NUP93: variants seen among roughly 807,000 people sequenced by gnomAD.
NUP93 encodes nucleoporin 93.
A neutral mutation model predicts 107.8 loss-of-function variants in NUP93; 55 were observed. That is an observed-to-expected ratio of 0.51 (90% CI 0.41 to 0.64). NUP93 has a LOEUF of 0.64. Among genes scored for constraint, NUP93 ranks in the 30% least tolerant of loss-of-function variants. NUP93 has a pLI of 0.00. For missense variants in NUP93, 937 were observed against 1,044.7 expected (o/e 0.90, Z 1.42); for synonymous variants, 390 against 397.5 (o/e 0.98, Z 0.22).
intron 1 of NUP93, among the ~76,000 whole-genome samples, chr16:56,738,693 C>A (rs1433384293): frequency 6.6e-6 from 1 of 152,100 alleles, no homozygotes; most frequent in Non-Finnish European, 1.5e-5. Context: ...TTGTAATTGA[C>A]AGCTGACAGA....
chr16:56,827,066 A>AAAAAAAT (rs1469520713), intron 8 of NUP93, among the ~76,000 whole-genome samples: 100 of 143,026 alleles, frequency 7.0e-4, no homozygotes, highest in African/African-American at 2.3e-3. Flanking sequence ...AAAAAAAAAA[A>AAAAAAAT]AAATTTTGTT....
In NUP93 at chr16:56,790,969, A is replaced by G. The variant is rs148715745; in HGVS notation, c.298-7507A>G. Among the ~76,000 whole-genome samples, 526 of 152,276 alleles carry G rather than the reference A, an allele frequency of 3.5e-3. 1 individual carries two copies. Among genetic ancestry groups the G allele is most frequent in the African/African-American group, 0.011 (468 of 41,546 alleles). ...AACAACAATGACCATTCCTGATGCC[A>G]CTGCTCATTTTGTGTTGATGTTATT... On this transcript the variant is annotated intron_variant, in intron 3 of 21. Coordinates refer to ENST00000308159, the MANE Select transcript of NUP93 (RefSeq NM_014669.5).
chr16:56,823,820 G>A lies in NUP93; in HGVS notation c.768G>A (p.Arg256=). 6.2e-7 allele frequency: 1 copy of A among 1,614,070 alleles called. No homozygotes were observed. The highest frequency in any genetic ancestry group is 8.5e-7 in the Non-Finnish European group (1 of 1,180,024). The part of the protein sequence containing the change: ...SSVEVRMEFV[R]QALAYLEQSY... ...TGGAAGTGCGCATGGAGTTTGTCAG[G>A]CAGGCCTTGGCGTACCTTGAGCAGA... Residue 256 remains arginine, a synonymous_variant, in exon 8 of 22, where the codon AGG becomes AGA. Coordinates refer to ENST00000308159, the MANE Select transcript of NUP93 (RefSeq NM_014669.5).
intron 1 of NUP93, among the ~76,000 whole-genome samples, chr16:56,740,096 C>T (rs1271177347): frequency 2.8e-4 from 35 of 126,754 alleles, no homozygotes; most frequent in East Asian, 7.8e-4. Flanking sequence ...ACCTCCCTCC[C>T]GGACGGGGCG....
rs1245422881 is a variant in NUP93, at chr16:56,844,994, A to AT, written c.*386dup. 1 of 288,852 alleles carries AT rather than the reference A, an allele frequency of 3.5e-6. No individual in the cohort carries two copies. Among genetic ancestry groups the AT allele is most frequent in the South Asian group, 1.6e-4 (1 of 6,126 alleles). 17.9% of individuals were successfully genotyped at this position (288,852 alleles called of 1,614,324 possible). A position where few individuals can be genotyped will look rare whatever the true frequency, so the allele number is the denominator to read the frequency against. The stretch of plus-strand genomic sequence containing the variant: ...CTTTTATTTAGATATAATATTCCAT[A>AT]TAGCAGAGTCACGATTCATTTTCAC... On this transcript the variant is annotated 3_prime_UTR_variant, in exon 22 of 22. Coordinates refer to ENST00000308159, the MANE Select transcript of NUP93 (RefSeq NM_014669.5).
chr16:56,761,076 T>C (rs1162876418), intron 3 of NUP93, among the ~76,000 whole-genome samples: 1 of 152,218 alleles, frequency 6.6e-6, no homozygotes, highest in African/African-American at 2.4e-5. Context: ...TAGGAATTGA[T>C]CATCTAGACC....
Position 56,830,583 on chromosome 16 carries a change from G to T in NUP93, c.983G>T (p.Cys328Phe). 1 of 1,610,790 alleles carries T rather than the reference G, an allele frequency of 6.2e-7. No homozygotes were observed. The highest frequency in any genetic ancestry group is 8.5e-7 in the Non-Finnish European group (1 of 1,177,208). ...VWALIYYCMR[C>F]GDLLAASQVV... ...GCGCTAATTTACTACTGCATGCGCT[G>T]TGGAGACCTGCTTGCCGCTTCACAG... is the stretch of plus-strand genomic sequence containing the variant. Residue 328 changes from cysteine to phenylalanine, a missense_variant, in exon 10 of 22, where the codon TGT becomes TTT. Cys to Phe is a radical substitution (Grantham distance 205, BLOSUM62 -2). Transcript: ENST00000308159.
At chr16:56,822,153 A>G (rs1018735514) in intron 7 of NUP93, among the ~76,000 whole-genome samples, 12 of 150,346 alleles carry the variant, frequency 8.0e-5, no homozygotes, top group Admixed American at 8.0e-4. Context: ...GGCTAGGAGG[A>G]AGGAAGAAGG....
chr16:56,817,901 A>G (rs1384687843), intron 5 of NUP93, among the ~76,000 whole-genome samples: 2 of 152,248 alleles, frequency 1.3e-5, no homozygotes, highest in Non-Finnish European at 2.9e-5. Context: ...AGTGTGTGTA[A>G]GTATACTTTA....
chr16:56,743,862 C>T (rs1339277816), intron 1 of NUP93, among the ~76,000 whole-genome samples: 4 of 152,176 alleles, frequency 2.6e-5, no homozygotes, highest in Non-Finnish European at 4.4e-5. Context: ...TCTGTGGAGG[C>T]TCAGTAGCAC....
At chr16:56,758,753 T>C in intron 3 of NUP93, 98 bp downstream of exon 3, 1 of 804,344 alleles carries the variant, frequency 1.2e-6, no homozygotes. Context: ...TTCAGTTTTC[T>C]TTGTTAACTT....
chr16:56,746,638 G>C (rs1961825422), intron 1 of NUP93, among the ~76,000 whole-genome samples: 1 of 152,184 alleles, frequency 6.6e-6, no homozygotes, highest in South Asian at 2.1e-4. Context: ...GTTCTTAATG[G>C]ATTTATGGCA....
At chr16:56,808,621 A>C (rs2144582822) in intron 5 of NUP93, among the ~76,000 whole-genome samples, 2 of 133,570 alleles carry the variant, frequency 1.5e-5, no homozygotes, top group South Asian at 4.4e-4. Context: ...AATATTTATA[A>C]ATATATAAAT....
chr16:56,788,736 T>C lies in NUP93; in HGVS notation c.298-9740T>C, dbSNP rs551236308. 2.6e-5 allele frequency among the ~76,000 whole-genome samples: 4 copies of C among 152,310 alleles called. No homozygotes were observed. In the South Asian group the frequency reaches 8.3e-4, roughly 32 times the overall value. On this transcript the variant is annotated intron_variant, in intron 3 of 21. Transcript: ENST00000308159. ...CTTAACCTTGGCCTTCCTCCCCAAGTGCAGCAACAGATGCGCTAAGCAGCC... is the reference window on the plus strand; with the variant it reads ...CTTAACCTTGGCCTTCCTCCCCAAGCGCAGCAACAGATGCGCTAAGCAGCC...
Position 56,841,041 on chromosome 16 carries a change from C to T in NUP93, c.2221-664C>T, listed in dbSNP as rs188921448. On this transcript the variant is annotated intron_variant, in intron 20 of 21. Coordinates refer to ENST00000308159, the MANE Select transcript of NUP93 (RefSeq NM_014669.5). Reference sequence around the variant, plus strand: ...TTCTATTTTAGAGAAAGAAGTAAGGCCAGTTCTGCACATGAAGAGGGATGT... The same window carrying T: ...TTCTATTTTAGAGAAAGAAGTAAGGTCAGTTCTGCACATGAAGAGGGATGT... 4.8e-3 allele frequency among the ~76,000 whole-genome samples: 731 copies of T among 152,004 alleles called. 6 individuals are homozygous for T. Among genetic ancestry groups the T allele is most frequent in the African/African-American group, 0.017 (698 of 41,476 alleles).
rs755282882 is a variant in NUP93 at position 56,758,588 on chromosome 16, G to A, written c.230G>A (p.Arg77Gln). ...CTTGACATATCCCACATCTCCCAGC[G>A]ATTGGAGAGTCTGAGTGCAGCCACC... is the stretch of plus-strand genomic sequence containing the variant. ...RGLDISHISQ[R>Q]LESLSAATTF... Residue 77 changes from arginine to glutamine, a missense_variant, in exon 3 of 22, where the codon CGA becomes CAA. By Grantham distance (43) the Arg-to-Gln change is conservative (BLOSUM62 1). Transcript: ENST00000308159. 2.5e-6 allele frequency: 4 copies of A among 1,613,686 alleles called. No individual in the cohort carries two copies. Among genetic ancestry groups the A allele is most frequent in the East Asian group, 2.2e-5 (1 of 44,886 alleles).
rs1172792730 is a variant in NUP93 at position 56,841,533 on chromosome 16, A to G, written c.2221-172A>G. 28 of 719,618 alleles carry G rather than the reference A, an allele frequency of 3.9e-5. No individual in the cohort carries two copies. In the East Asian group the frequency reaches 7.1e-4, roughly 18 times the overall value. The allele number at this position is 719,618 out of a possible 1,614,324, so 44.6% of individuals were successfully genotyped here. ...AGCATTGCTTGGGTTTTTTTCTCACACTTGATGTTTCAGTGCCATCAGCTC... is the reference window on the plus strand; with the variant it reads ...AGCATTGCTTGGGTTTTTTTCTCACGCTTGATGTTTCAGTGCCATCAGCTC... On this transcript the variant is annotated intron_variant, in intron 20 of 21. Transcript: ENST00000308159.
intron 5 of NUP93, among the ~76,000 whole-genome samples, chr16:56,813,469 C>A (rs573407139): frequency 6.6e-5 from 10 of 152,194 alleles, no homozygotes; most frequent in African/African-American, 1.9e-4. Context: ...ACCCAGTTCA[C>A]CTGTTAGGGG....
intron 2 of NUP93, among the ~76,000 whole-genome samples, chr16:56,754,125 G>A (rs1961974192): frequency 6.6e-6 from 1 of 152,156 alleles, no homozygotes; most frequent in African/African-American, 2.4e-5. Context: ...GAGCAGGATA[G>A]AGGGTGAAGG....
Sources: gnomAD v4.1 joint callset for allele counts (sites outside exome capture counted in the v4.1 genomes callset) on GRCh38, gnomAD v4.1.1 for gene constraint, MANE v1.5 for transcripts, NCBI Gene and HGNC (gene_info 2026-07-23, HGNC 2026-07-21) for gene names.